The following EEIG1 variants were observed in gnomAD, a reference collection of about 807,000 sequenced individuals.
EEIG1 encodes early estrogen-induced gene 1 protein.
the EEIG1 span, among the ~76,000 whole-genome samples, chr9:127,974,703 T>C: frequency 6.6e-6 from 1 of 152,320 alleles, no homozygotes; most frequent in South Asian, 2.1e-4. Context: ...AGATCTGCCT[T>C]GCTCTGAAGC....
the EEIG1 span, among the ~76,000 whole-genome samples, chr9:127,945,187 G>T: frequency 6.6e-6 from 1 of 152,160 alleles, no homozygotes; most frequent in Non-Finnish European, 1.5e-5. This position sits in a 1 kb window ranked among gnomAD's most constrained non-coding sequence, Gnocchi z 6.5. Flanking sequence ...GCCATGAACA[G>T]AACCTGCTGC....
At chr9:127,950,558 G>A in the EEIG1 span, 57 of 1,612,174 alleles carry the variant, frequency 3.5e-5, no homozygotes, top group East Asian at 2.2e-4. Flanking sequence ...TGAGAGGAGC[G>A]TGTGGGAGGG....
At chr9:127,944,544 G>A in the EEIG1 span, 1 of 1,122,094 alleles carries the variant, frequency 8.9e-7, no homozygotes, top group East Asian at 2.5e-5. Flanking sequence ...CCAGGTGAGT[G>A]GACTGTGGGG....
chr9:127,953,634 G>A, the EEIG1 span: 3 of 1,613,698 alleles, frequency 1.9e-6, no homozygotes, highest in Non-Finnish European at 2.5e-6. Flanking sequence ...CAAGCAGCAA[G>A]TTGACTGCAG....
the EEIG1 span, among the ~76,000 whole-genome samples, chr9:127,965,733 C>T: frequency 1.4e-4 from 21 of 152,224 alleles, no homozygotes; most frequent in African/African-American, 4.6e-4. Context: ...CAATTTAAAT[C>T]GACAACATCT....
At chr9:127,945,421 G>A in the EEIG1 span, 48 of 1,572,414 alleles carry the variant, frequency 3.1e-5, no homozygotes, top group Non-Finnish European at 3.6e-5. This position sits in a 1 kb window ranked among gnomAD's most constrained non-coding sequence, Gnocchi z 6.5. Context: ...CGGCTTCTCC[G>A]GGGGCCGGTG....
chr9:127,947,614 G>A, the EEIG1 span, among the ~76,000 whole-genome samples: 2 of 152,162 alleles, frequency 1.3e-5, no homozygotes, highest in Non-Finnish European at 2.9e-5. Context: ...CATAGAGTAT[G>A]TGGGAGAGCA....
At chr9:127,962,427 C>A in the EEIG1 span, among the ~76,000 whole-genome samples, 1 of 152,304 alleles carries the variant, frequency 6.6e-6, no homozygotes, top group East Asian at 1.9e-4. Flanking sequence ...CAATCCCCGG[C>A]AGTCCTGGGG....
At chr9:127,944,511 G>A in the EEIG1 span, 2 of 802,942 alleles carry the variant, frequency 2.5e-6, no homozygotes, top group East Asian at 5.3e-5. Flanking sequence ...TCACACTGTG[G>A]CGACAAGATT....
At chr9:127,960,136 G>A in the EEIG1 span, among the ~76,000 whole-genome samples, 1 of 152,210 alleles carries the variant, frequency 6.6e-6, no homozygotes, top group Non-Finnish European at 1.5e-5. Context: ...TGCTTCAGGT[G>A]GGGGGTTAGG....
At chr9:127,961,832 G>A in the EEIG1 span, among the ~76,000 whole-genome samples, 1 of 148,640 alleles carries the variant, frequency 6.7e-6, no homozygotes, top group Non-Finnish European at 1.5e-5. Flanking sequence ...GCCCCGGGGT[G>A]GGAATGTCTG....
chr9:127,953,026 A>T, the EEIG1 span, among the ~76,000 whole-genome samples: 1 of 152,028 alleles, frequency 6.6e-6, no homozygotes, highest in African/African-American at 2.4e-5. Context: ...CGTACTCGGG[A>T]GGCTGAGGGA....
At chr9:127,965,189 T>G in the EEIG1 span, among the ~76,000 whole-genome samples, 1 of 146,484 alleles carries the variant, frequency 6.8e-6, no homozygotes, top group Non-Finnish European at 1.5e-5. Context: ...CAAACGAAGA[T>G]TCCCAGTGAG....
the EEIG1 span, among the ~76,000 whole-genome samples, chr9:127,951,741 C>T: frequency 4.2e-3 from 615 of 145,288 alleles, 33 homozygotes; most frequent in East Asian, 0.086. Context: ...GGCGTGAACC[C>T]GGGAGGCGGA....
the EEIG1 span, among the ~76,000 whole-genome samples, chr9:127,963,378 G>A: frequency 1.3e-4 from 20 of 152,248 alleles, no homozygotes; most frequent in Non-Finnish European, 2.5e-4. Context: ...GGCCCTCCCG[G>A]GCCTGGGGTT....
chr9:127,942,929 C>CGCCTGGCCT, the EEIG1 span: 16 of 523,164 alleles, frequency 3.1e-5, no homozygotes, highest in East Asian at 1.7e-4. Flanking sequence ...TGCACGGGCC[C>CGCCTGGCCT]GCCTGGCCTG....
chr9:127,979,494 G>A, the EEIG1 span, among the ~76,000 whole-genome samples: 1 of 152,244 alleles, frequency 6.6e-6, no homozygotes, highest in African/African-American at 2.4e-5. Flanking sequence ...GAGGAGGATA[G>A]TCACTCGGAG....
chr9:127,953,059 G>T, the EEIG1 span, among the ~76,000 whole-genome samples: 1 of 152,144 alleles, frequency 6.6e-6, no homozygotes, highest in Non-Finnish European at 1.5e-5. Context: ...GAACCTAGGA[G>T]GAGAAGGTTG....
chr9:127,948,471 AG>A, the EEIG1 span: 14 of 1,560,682 alleles, frequency 9.0e-6, no homozygotes, highest in Admixed American at 2.3e-4. Flanking sequence ...GCCCAGGCGC[AG>A]GGCCCCCTGC....
Sources: gnomAD v4.1 joint callset for allele counts (sites outside exome capture counted in the v4.1 genomes callset) on GRCh38, gnomAD v4.1.1 for gene constraint, Gnocchi (gnomAD v3.1) non-coding constraint, MANE v1.5 for transcripts, NCBI Gene and HGNC (gene_info 2026-07-23, HGNC 2026-07-21) for gene names.